SPATA6: variants seen among roughly 807,000 people sequenced by gnomAD.
SPATA6 encodes spermatogenesis-associated protein 6.
In SPATA6, 56 loss-of-function variants were observed where a neutral mutation model predicts 65.3. The ratio of observed to expected loss-of-function variants is 0.86; its 90% CI spans 0.69 to 1.07. SPATA6 has a LOEUF of 1.07. Ranked by LOEUF, SPATA6 falls within the 50% of genes least tolerant of loss-of-function variation. The pLI is 0.00. For missense variants in SPATA6, 590 were observed against 594.8 expected (o/e 0.99, Z 0.08); for synonymous variants, 199 against 213.2 (o/e 0.93, Z 0.58).
At chr1:48,365,963 G>A (rs535289622) in intron 9 of SPATA6, among the ~76,000 whole-genome samples, 4 of 152,226 alleles carry the variant, frequency 2.6e-5, no homozygotes, top group Non-Finnish European at 4.4e-5. Flanking sequence ...TTTAAGATAC[G>A]TCCCATCAAT....
chr1:48,332,611 C>T (rs1340443421), intron 11 of SPATA6, among the ~76,000 whole-genome samples: 3 of 152,168 alleles, frequency 2.0e-5, no homozygotes, highest in African/African-American at 7.2e-5. Context: ...GACTTAGACT[C>T]CCACAGAATA....
At chr1:48,433,169 T>G (rs1215248599) in intron 3 of SPATA6, among the ~76,000 whole-genome samples, 1 of 152,164 alleles carries the variant, frequency 6.6e-6, no homozygotes, top group Non-Finnish European at 1.5e-5. Context: ...GGGTATAGTT[T>G]CAGTTTTACA....
chr1:48,435,759 G>A (rs1316061045), intron 3 of SPATA6, among the ~76,000 whole-genome samples: 4 of 152,050 alleles, frequency 2.6e-5, no homozygotes, highest in Admixed American at 6.6e-5. Flanking sequence ...GCCCCGCACC[G>A]GGAGCGGGCC....
At chr1:48,424,783 GTCT>G (rs993989239) in intron 3 of SPATA6, among the ~76,000 whole-genome samples, 6 of 152,176 alleles carry the variant, frequency 3.9e-5, no homozygotes, top group African/African-American at 1.4e-4. Flanking sequence ...CCATTTGTAA[GTCT>G]TCTTTTGAAA....
chr1:48,420,109 C>G (rs1282945245), intron 3 of SPATA6, among the ~76,000 whole-genome samples: 1 of 152,014 alleles, frequency 6.6e-6, no homozygotes, highest in Non-Finnish European at 1.5e-5. Context: ...AAGTTGATCA[C>G]CAATGGCCAA....
the SPATA6 span, among the ~76,000 whole-genome samples, chr1:48,272,241 AAC>A: frequency 6.6e-6 from 1 of 152,174 alleles, no homozygotes; most frequent in African/African-American, 2.4e-5. Flanking sequence ...TTAATTATAC[AAC>A]ACAGTTTATT....
chr1:48,460,097 A>G (rs978831633), intron 1 of SPATA6, among the ~76,000 whole-genome samples: 2 of 151,934 alleles, frequency 1.3e-5, no homozygotes, highest in African/African-American at 2.4e-5. Context: ...CAACCTCCCA[A>G]GTGGCTAAGA....
At chr1:48,345,926 T>C (rs1473437743) in intron 11 of SPATA6, among the ~76,000 whole-genome samples, 2 of 152,064 alleles carry the variant, frequency 1.3e-5, no homozygotes, top group South Asian at 2.1e-4. Flanking sequence ...AAAGAAGAGA[T>C]GGTACTATTC....
chr1:48,466,637 T>C (rs1255324138), intron 1 of SPATA6, among the ~76,000 whole-genome samples: 2 of 151,268 alleles, frequency 1.3e-5, no homozygotes, highest in Non-Finnish European at 2.9e-5. Context: ...AAATGGGGGG[T>C]GGGGCATCAA....
chr1:48,399,778 G>A, intron 6 of SPATA6, 134 bp from the exon 7 acceptor site: 1 of 739,824 alleles, frequency 1.4e-6, no homozygotes, highest in Non-Finnish European at 2.1e-6. Flanking sequence ...CTTCCTATCT[G>A]TGCTGATCCT....
Position 48,411,648 on chromosome 1 carries a change from T to C in SPATA6, c.281-60A>G, listed in dbSNP as rs759602256. ...TAAAATATTCTATTTAGAAACAAAA[T>C]CATCAAGTATGATATATCTACTGCC... is the stretch of plus-strand genomic sequence containing the variant. On this transcript the variant is annotated intron_variant, in intron 4 of 12. Transcript: ENST00000371847. The C allele has an allele frequency of 1.8e-5, 25 of 1,385,684 alleles. No homozygotes were observed. In the Middle Eastern group the frequency reaches 5.8e-4, roughly 32 times the overall value. The allele number at this position is 1,385,684 out of a possible 1,614,324, so 85.8% of individuals were successfully genotyped here.
intron 8 of SPATA6, among the ~76,000 whole-genome samples, chr1:48,388,896 T>A (rs1030569890): frequency 1.4e-4 from 22 of 152,168 alleles, no homozygotes; most frequent in Non-Finnish European, 2.6e-4. Flanking sequence ...TATTTTTTAT[T>A]TTTTTTGAGA....
intron 9 of SPATA6, among the ~76,000 whole-genome samples, chr1:48,376,349 G>A (rs926822421): frequency 1.3e-5 from 2 of 152,088 alleles, no homozygotes; most frequent in African/African-American, 4.8e-5. Flanking sequence ...ACAGGAATTT[G>A]CAGAAAAATT....
At chr1:48,411,725 G>A in intron 4 of SPATA6, 137 bp from the exon 5 acceptor site, 1 of 725,956 alleles carries the variant, frequency 1.4e-6, no homozygotes, top group East Asian at 3.5e-5. Flanking sequence ...TCTATGAAAG[G>A]AAAATTAAAA....
chr1:48,376,960 G>A (rs1647992793), intron 9 of SPATA6, among the ~76,000 whole-genome samples: 1 of 152,058 alleles, frequency 6.6e-6, no homozygotes, highest in South Asian at 2.1e-4. Context: ...CCATATTTGT[G>A]GTCCATCGCT....
intron 1 of SPATA6, among the ~76,000 whole-genome samples, chr1:48,454,205 T>C (rs1426957774): frequency 6.6e-6 from 1 of 152,036 alleles, no homozygotes; most frequent in Non-Finnish European, 1.5e-5. Flanking sequence ...AGTGATCAAC[T>C]ACACCCTCAG....
chr1:48,381,300 TTAGA>T (rs912016187), intron 9 of SPATA6, among the ~76,000 whole-genome samples: 3 of 152,132 alleles, frequency 2.0e-5, no homozygotes, highest in African/African-American at 7.2e-5. Flanking sequence ...TTATGAATCC[TTAGA>T]TAGATGGCAA....
intron 11 of SPATA6, among the ~76,000 whole-genome samples, chr1:48,343,672 A>C (rs1206496404): frequency 6.6e-6 from 1 of 152,154 alleles, no homozygotes; most frequent in Non-Finnish European, 1.5e-5. Flanking sequence ...AAAGGTACCA[A>C]TTTAGAGAAA....
chr1:48,302,961 C>G (rs1218603753), intron 12 of SPATA6, among the ~76,000 whole-genome samples: 1 of 151,990 alleles, frequency 6.6e-6, no homozygotes, highest in East Asian at 1.9e-4. Context: ...TTCCCATGCT[C>G]TGCTCCATAT....
Sources: allele counts gnomAD v4.1 joint callset (sites outside exome capture counted in the v4.1 genomes callset), GRCh38; gene constraint gnomAD v4.1.1; transcripts MANE v1.5; gene names NCBI Gene and HGNC (gene_info 2026-07-23, HGNC 2026-07-21).